AFG2A: variants seen among roughly 807,000 people sequenced by gnomAD.
AFG2A encodes ATPase family gene 2 protein homolog A.
chr4:123,167,604 C>T, the AFG2A span, among the ~76,000 whole-genome samples: 1 of 152,222 alleles, frequency 6.6e-6, no homozygotes, highest in Admixed American at 6.5e-5. Context: ...ACCTCGGCCT[C>T]CCAAAGTGCT....
At chr4:123,020,507 T>G in the AFG2A span, among the ~76,000 whole-genome samples, 2 of 151,896 alleles carry the variant, frequency 1.3e-5, no homozygotes, top group Non-Finnish European at 2.9e-5. Context: ...TAGCGGAGTT[T>G]CCAGGTGCCG....
At chr4:122,965,454 C>G in the AFG2A span, among the ~76,000 whole-genome samples, 1 of 152,124 alleles carries the variant, frequency 6.6e-6, no homozygotes, top group Non-Finnish European at 1.5e-5. Context: ...ACAAGTCATA[C>G]GTTGGAAACA....
At chr4:123,041,808 G>A in the AFG2A span, among the ~76,000 whole-genome samples, 35 of 152,108 alleles carry the variant, frequency 2.3e-4, no homozygotes, top group Non-Finnish European at 3.4e-4. Flanking sequence ...GATTACAGGC[G>A]TGATCCACTG....
At chr4:123,022,151 C>T in the AFG2A span, among the ~76,000 whole-genome samples, 24,661 of 151,794 alleles carry the variant, frequency 0.16, 2,437 homozygotes, top group East Asian at 0.45. Flanking sequence ...TCTAAAACAC[C>T]GAAAGCAATG....
chr4:123,136,074 G>A, the AFG2A span, among the ~76,000 whole-genome samples: 2 of 152,188 alleles, frequency 1.3e-5, no homozygotes, highest in African/African-American at 4.8e-5. Context: ...AAATTTTTCA[G>A]TAACTCAGTG....
the AFG2A span, among the ~76,000 whole-genome samples, chr4:123,059,865 A>G: frequency 6.6e-6 from 1 of 151,930 alleles, no homozygotes; most frequent in South Asian, 2.1e-4. Flanking sequence ...GTGAGATGGT[A>G]TTTCATTGTG....
At chr4:123,028,400 G>C in the AFG2A span, 1 of 1,613,806 alleles carries the variant, frequency 6.2e-7, no homozygotes, top group Non-Finnish European at 8.5e-7. Context: ...ATAAAGGTAG[G>C]GTGTTAAATT....
At chr4:123,188,810 G>C in the AFG2A span, among the ~76,000 whole-genome samples, 1 of 152,194 alleles carries the variant, frequency 6.6e-6, no homozygotes, top group African/African-American at 2.4e-5. Flanking sequence ...CGTCTTAATA[G>C]TATTGGTTTA....
the AFG2A span, among the ~76,000 whole-genome samples, chr4:122,924,911 A>G: frequency 3.9e-5 from 6 of 152,218 alleles, no homozygotes; most frequent in African/African-American, 1.4e-4. Flanking sequence ...AAATTTCAAT[A>G]AAAGCTTCTA....
the AFG2A span, among the ~76,000 whole-genome samples, chr4:123,144,529 T>C: frequency 3.9e-5 from 6 of 152,054 alleles, no homozygotes; most frequent in African/African-American, 1.4e-4. Context: ...AGAGAGATGC[T>C]AGCTTTAGTT....
the AFG2A span, among the ~76,000 whole-genome samples, chr4:123,092,410 T>C: frequency 4.0e-4 from 61 of 152,352 alleles, no homozygotes; most frequent in African/African-American, 1.4e-3. Context: ...TAGCCTTCTT[T>C]GGCTTCCTAA....
chr4:123,026,410 TA>T, the AFG2A span, among the ~76,000 whole-genome samples: 7 of 150,480 alleles, frequency 4.7e-5, no homozygotes, highest in South Asian at 2.1e-4. Context: ...CATATAGAAC[TA>T]AAAAAAAATA....
the AFG2A span, among the ~76,000 whole-genome samples, chr4:123,160,119 A>G: frequency 6.6e-6 from 1 of 152,022 alleles, no homozygotes; most frequent in Non-Finnish European, 1.5e-5. Flanking sequence ...AAGTTGTGCT[A>G]CTTCTCTGAG....
the AFG2A span, among the ~76,000 whole-genome samples, chr4:122,984,954 G>T: frequency 6.6e-6 from 1 of 151,962 alleles, no homozygotes; most frequent in Admixed American, 6.6e-5. Flanking sequence ...TGGTAGTAGG[G>T]TGATGCTGGC....
the AFG2A span, among the ~76,000 whole-genome samples, chr4:123,278,172 T>C: frequency 6.6e-6 from 1 of 152,200 alleles, no homozygotes; most frequent in Non-Finnish European, 1.5e-5. Context: ...GGATTCAATT[T>C]CTTAGGTTCA....
chr4:122,989,475 T>C, the AFG2A span, among the ~76,000 whole-genome samples: 2 of 152,054 alleles, frequency 1.3e-5, no homozygotes, highest in Non-Finnish European at 2.9e-5. Context: ...CCTGTGTCTA[T>C]GGGGGTGATC....
At chr4:122,939,672 G>A in the AFG2A span, among the ~76,000 whole-genome samples, 1 of 151,322 alleles carries the variant, frequency 6.6e-6, no homozygotes, top group Admixed American at 6.6e-5. Flanking sequence ...GGGTACATGT[G>A]CACAATGTGC....
chr4:123,255,452 G>A, the AFG2A span, among the ~76,000 whole-genome samples: 17 of 150,092 alleles, frequency 1.1e-4, no homozygotes, highest in Admixed American at 8.7e-4. Context: ...CTGAGACTGC[G>A]CCACTGCACT....
the AFG2A span, among the ~76,000 whole-genome samples, chr4:123,246,162 C>A: frequency 6.6e-6 from 1 of 152,140 alleles, no homozygotes; most frequent in South Asian, 2.1e-4. Context: ...GCTTTTTTAT[C>A]TTTATCTCCC....
Sources: allele counts gnomAD v4.1 joint callset (sites outside exome capture counted in the v4.1 genomes callset), GRCh38; gene constraint gnomAD v4.1.1; transcripts MANE v1.5; gene names NCBI Gene and HGNC (gene_info 2026-07-23, HGNC 2026-07-21).